SLC22A8: variants seen among roughly 807,000 people sequenced by gnomAD.
SLC22A8 encodes solute carrier family 22 member 8, also known as organic anion transporter 3.
In SLC22A8, 40 loss-of-function variants were observed where a neutral mutation model predicts 48.4. That is an observed-to-expected ratio of 0.83 (90% CI 0.64 to 1.08). SLC22A8 has a LOEUF of 1.08. Ranked by LOEUF, SLC22A8 falls within the 50% of genes least tolerant of loss-of-function variation. The pLI, the probability that SLC22A8 is intolerant of heterozygous loss-of-function variation, is 0.00. For missense variants in SLC22A8, 606 were observed against 699.0 expected, an observed-to-expected ratio of 0.87 and a Z score of 1.50; for synonymous variants, 268 against 286.3, an observed-to-expected ratio of 0.94 and a Z score of 0.65.
Position 62,993,287 on chromosome 11 carries a change from A to G in SLC22A8, c.1579T>C (p.Ser527Pro), listed in dbSNP as rs751301307. ...PKQEPEVEKA[S>P]QRIPLQPHGP... is the part of the protein sequence containing the mutation. Reference sequence around the variant, plus strand: ...TGAGGCTGTAGAGGGATCCTCTGGGAGGCCTTTTCCACCTCTGGCTCCTGC... The same window carrying G: ...TGAGGCTGTAGAGGGATCCTCTGGGGGGCCTTTTCCACCTCTGGCTCCTGC... The change falls in exon 11 of 11, where the codon TCC becomes CCC. Residue 527 changes from serine (S) to proline (P), a missense_variant. Ser to Pro is a moderately conservative substitution (Grantham distance 74). Coordinates refer to ENST00000336232, the MANE Select transcript of SLC22A8 (RefSeq NM_004254.4). The G allele has an allele frequency of 1.9e-6, 3 of 1,613,604 alleles. No individual in the cohort carries two copies. The highest frequency in any genetic ancestry group is 2.5e-6 in the Non-Finnish European group (3 of 1,179,936).
chr11:63,013,926 G>A (rs1479003607), intron 2 of SLC22A8, among the ~76,000 whole-genome samples: 1 of 152,154 alleles, frequency 6.6e-6, no homozygotes, highest in African/African-American at 2.4e-5. Flanking sequence ...ATTTCCCCGA[G>A]GTGGCAGGTG....
chr11:62,993,456 G>A lies in SLC22A8; in HGVS notation c.1497C>T (p.Pro499=), dbSNP rs2086368281. The A allele has an allele frequency of 6.2e-7, 1 of 1,614,068 alleles. No homozygotes were observed. Among genetic ancestry groups the A allele is most frequent in the Non-Finnish European group, 8.5e-7 (1 of 1,180,038 alleles). The change falls in exon 10 of 11, where the codon CCC becomes CCT. Residue 499 remains proline, a synonymous_variant. Coordinates refer to ENST00000336232, the MANE Select transcript of SLC22A8 (RefSeq NM_004254.4). ...CCAGGTCTTCGATAGTCTCTGGCAA[G>A]GGCTGATTCAGGGTCTCAGGCAGGA... ...ALFLPETLNQ[P]LPETIEDLEN...
chr11:63,010,301 C>T (rs1453742966), intron 2 of SLC22A8, among the ~76,000 whole-genome samples: 4 of 152,172 alleles, frequency 2.6e-5, no homozygotes, highest in Non-Finnish European at 5.9e-5. Context: ...ACACTGTTTG[C>T]GAGATGGCCC....
rs2086375875 is a variant in SLC22A8 at position 62,993,859 on chromosome 11, T to C, written c.1236A>G (p.Thr412=). The change falls in exon 9 of 11, where the codon ACA becomes ACG. Residue 412 remains threonine, a synonymous_variant. Coordinates refer to ENST00000336232, the MANE Select transcript of SLC22A8 (RefSeq NM_004254.4). ...ATCCCTTCCCAAACACAGCCAATAC[T>C]GTCCTCACGGTCTGCAAGTCTGCAG... is the stretch of plus-strand genomic sequence containing the variant. ...FVPLDLQTVR[T]VLAVFGKGCL... is the part of the protein sequence containing the mutation. 6.2e-7 allele frequency: 1 copy of C among 1,612,834 alleles called. No homozygotes were observed. Among genetic ancestry groups the C allele is most frequent in the Non-Finnish European group, 8.5e-7 (1 of 1,178,792 alleles).
At chr11:63,012,547 C>T (rs1216848525) in intron 2 of SLC22A8, among the ~76,000 whole-genome samples, 2 of 152,186 alleles carry the variant, frequency 1.3e-5, no homozygotes, top group Non-Finnish European at 2.9e-5. Flanking sequence ...CTGACTCCAG[C>T]AAGCCCGCCT....
intron 2 of SLC22A8, among the ~76,000 whole-genome samples, chr11:63,010,668 G>A (rs575375634): frequency 6.6e-4 from 101 of 152,324 alleles, no homozygotes; most frequent in African/African-American, 2.4e-3. Context: ...TAGGGATCTG[G>A]CACCTGATGA....
chr11:62,998,225 T>C (rs2086446682), intron 5 of SLC22A8, among the ~76,000 whole-genome samples: 1 of 151,974 alleles, frequency 6.6e-6, no homozygotes, highest in South Asian at 2.1e-4. Context: ...GTGCTAGGAT[T>C]ACAGGTGTGA....
At chr11:63,015,387 G>A (rs1372389994) in intron 1 of SLC22A8, among the ~76,000 whole-genome samples, 7 of 152,244 alleles carry the variant, frequency 4.6e-5, no homozygotes, top group Non-Finnish European at 1.0e-4. Context: ...CATGCATGGA[G>A]CAGTGCAGGA....
intron 2 of SLC22A8, among the ~76,000 whole-genome samples, chr11:63,013,704 T>G (rs1254827702): frequency 6.6e-6 from 1 of 152,172 alleles, no homozygotes; most frequent in African/African-American, 2.4e-5. Flanking sequence ...GGTCTTAGGT[T>G]TTTTATTTTT....
intron 2 of SLC22A8, among the ~76,000 whole-genome samples, chr11:63,008,799 C>G (rs765729637): frequency 6.6e-6 from 1 of 152,172 alleles, no homozygotes; most frequent in Non-Finnish European, 1.5e-5. Flanking sequence ...TCTGTAAAAG[C>G]TTGACCCACC....
intron 2 of SLC22A8, among the ~76,000 whole-genome samples, chr11:63,013,781 G>C (rs547570121): frequency 6.6e-6 from 1 of 152,292 alleles, no homozygotes; most frequent in African/African-American, 2.4e-5. Flanking sequence ...AAACAAGACA[G>C]TGTCTACAAA....
Position 62,999,710 on chromosome 11 carries a change from A to G in SLC22A8, c.570T>C (p.Ile190=). The G allele has an allele frequency of 6.3e-7, 1 of 1,596,570 alleles. No homozygotes were observed. The highest frequency in any genetic ancestry group is 8.5e-7 in the Non-Finnish European group (1 of 1,170,780). The change falls in exon 4 of 11, where the codon ATT becomes ATC. Residue 190 remains isoleucine (I), a synonymous_variant. Transcript: ENST00000336232. ...RFLCGFGISG[I]TLSTVILNVE... is the part of the protein sequence containing the mutation. ...CACTCAAGATGACGGTGCTCAGGGT[A>G]ATGCCTGAGATGCCAAAGCCACACA...
chr11:62,994,924 G>A (rs1420828665), intron 7 of SLC22A8, 168 bp from the exon 8 acceptor site: 2 of 644,230 alleles, frequency 3.1e-6, no homozygotes, highest in East Asian at 5.5e-5. Flanking sequence ...TCGTGTCTGG[G>A]CTCAGGGAGA....
chr11:63,011,040 C>T (rs1220495666), intron 2 of SLC22A8, among the ~76,000 whole-genome samples: 1 of 152,190 alleles, frequency 6.6e-6, no homozygotes, highest in East Asian at 1.9e-4. Flanking sequence ...GTGAGAGAGG[C>T]ACAGTCTCTG....
At chr11:63,015,376 G>A (rs2086662873) in intron 1 of SLC22A8, among the ~76,000 whole-genome samples, 1 of 152,242 alleles carries the variant, frequency 6.6e-6, no homozygotes, top group Admixed American at 6.5e-5. Context: ...TGCACATGCT[G>A]CATGCATGGA....
intron 2 of SLC22A8, among the ~76,000 whole-genome samples, chr11:63,014,185 G>A (rs994173370): frequency 1.3e-5 from 2 of 152,186 alleles, no homozygotes; most frequent in Non-Finnish European, 2.9e-5. Flanking sequence ...TTTCTGTAGG[G>A]AGGATTCCTT....
rs140064552 is a variant in SLC22A8 at position 63,013,239 on chromosome 11, A to G, written c.333+1387T>C. ...AATAACAATCACACAGACTCTGAAC[A>G]TAGCCCTAAATTCAAATCCTGCCTC... On this transcript the variant is annotated intron_variant, in intron 2 of 10. Transcript: ENST00000336232. 2.8e-4 allele frequency among the ~76,000 whole-genome samples: 42 copies of G among 152,344 alleles called. 2 individuals are homozygous for G. The East Asian group carries it at 8.1e-3, about 29-fold the overall frequency.
At chr11:62,999,574 C>T in intron 4 of SLC22A8, 114 bp downstream of exon 4, 1 of 832,886 alleles carries the variant, frequency 1.2e-6, no homozygotes, top group Non-Finnish European at 1.8e-6. Flanking sequence ...GAGGGGGTGG[C>T]ACCTTGACCA....
At chr11:62,999,154 G>A in intron 4 of SLC22A8, 65 bp from the exon 5 acceptor site, 3 of 1,437,166 alleles carry the variant, frequency 2.1e-6, no homozygotes, top group Middle Eastern at 3.6e-4. Flanking sequence ...CGCGTGAAGG[G>A]GCACCAGCTT....
Sources: allele counts gnomAD v4.1 joint callset (sites outside exome capture counted in the v4.1 genomes callset), GRCh38; gene constraint gnomAD v4.1.1; transcripts MANE v1.5; gene names NCBI Gene and HGNC (gene_info 2026-07-23, HGNC 2026-07-21).